Variants in DENND5A observed in about 807,000 individuals in gnomAD.
The protein encoded by DENND5A is DENN domain-containing protein 5A.
DENND5A carries 64 observed loss-of-function variants against 140.3 expected under a neutral mutation model. That is an observed-to-expected ratio of 0.46 (90% CI 0.37 to 0.56). The LOEUF (loss-of-function observed/expected upper bound fraction) is 0.56, where lower values mean the gene tolerates loss of function less well. Among genes scored for constraint, DENND5A ranks in the 20% least tolerant of loss-of-function variants. The pLI is 0.00. For synonymous variants in DENND5A, 605 were observed against 607.7 expected (o/e 1.00, Z 0.07); for missense variants, 1,292 against 1,593.8 (o/e 0.81, Z 3.22).
chr11:9,188,525 T>G (rs1355472278), intron 5 of DENND5A, among the ~76,000 whole-genome samples: 2 of 152,164 alleles, frequency 1.3e-5, no homozygotes, highest in East Asian at 3.9e-4. Flanking sequence ...TGGGAAAGTT[T>G]GGAACTCCCT....
intron 15 of DENND5A, among the ~76,000 whole-genome samples, chr11:9,147,760 A>T (rs1847482448): frequency 6.6e-6 from 1 of 152,130 alleles, no homozygotes; most frequent in Non-Finnish European, 1.5e-5. Flanking sequence ...CTTCATTTTC[A>T]CTGCCTATTC....
At position 9,145,956 on chromosome 11, in the gene DENND5A, G is replaced by A. The variant is rs1281833982; in HGVS notation, c.2858-141C>T. ...TCAAGCAGAGCCCTGGAACAAGAGG[G>A]CCCCAGGACCTAGTCCCTGGCTAAT... On this transcript the variant is annotated intron_variant, in intron 16 of 22. Transcript: ENST00000328194. 6.8e-6 allele frequency: 6 copies of A among 888,884 alleles called. No homozygotes were observed. The East Asian group carries it at 9.7e-5, about 14-fold the overall frequency. The allele number at this position is 888,884 out of a possible 1,614,324, so 55.1% of individuals were successfully genotyped here. A position where few individuals can be genotyped will look rare whatever the true frequency, so the allele number is the denominator to read the frequency against.
intron 13 of DENND5A, among the ~76,000 whole-genome samples, 198 bp downstream of exon 13, chr11:9,152,159 GA>G (rs1220493124): frequency 2.0e-5 from 3 of 152,222 alleles, no homozygotes; most frequent in Non-Finnish European, 2.9e-5. Context: ...AAAGGGTATA[GA>G]AATACATAAT....
intron 1 of DENND5A, among the ~76,000 whole-genome samples, chr11:9,224,247 A>G (rs1341162403): frequency 6.6e-6 from 1 of 152,194 alleles, no homozygotes; most frequent in Non-Finnish European, 1.5e-5. Flanking sequence ...AAAGGAAGGG[A>G]AGAAGGAGAG....
In DENND5A at chr11:9,236,498, C is replaced by A. The variant is rs543522764; in HGVS notation, c.109+28463G>T. On this transcript the variant is annotated intron_variant, in intron 1 of 22. Coordinates refer to ENST00000328194, the MANE Select transcript of DENND5A (RefSeq NM_015213.4). Reference sequence around the variant, plus strand: ...GGTGAGCCAAAATTGCACCACTGCACTCCAGCCTGGGCGACAAGAGCAAAA... The same window carrying A: ...GGTGAGCCAAAATTGCACCACTGCAATCCAGCCTGGGCGACAAGAGCAAAA... Among the ~76,000 whole-genome samples, 6 of 151,996 alleles carry A rather than the reference C, an allele frequency of 3.9e-5. No homozygotes were observed. The South Asian group carries it at 1.2e-3, about 32-fold the overall frequency.
chr11:9,213,610 C>T (rs1849965647), intron 1 of DENND5A, among the ~76,000 whole-genome samples: 1 of 151,152 alleles, frequency 6.6e-6, no homozygotes, highest in Non-Finnish European at 1.5e-5. Flanking sequence ...GAGTTCAAGA[C>T]CAGCTGGGCC....
At chr11:9,146,832 C>A in intron 16 of DENND5A, 198 bp downstream of exon 16, 1 of 585,918 alleles carries the variant, frequency 1.7e-6, no homozygotes, top group Non-Finnish European at 3.0e-6. Flanking sequence ...CTCTCCAGTT[C>A]AGAACAAGAA....
chr11:9,178,794 C>G, intron 7 of DENND5A, 64 bp downstream of exon 7: 1 of 1,353,342 alleles, frequency 7.4e-7, no homozygotes, highest in Non-Finnish European at 1.1e-6. Context: ...TTTTCCATTA[C>G]TTCTTCAAGA....
chr11:9,217,952 G>T (rs1468952020), intron 1 of DENND5A, among the ~76,000 whole-genome samples: 1 of 152,158 alleles, frequency 6.6e-6, no homozygotes, highest in Non-Finnish European at 1.5e-5. Flanking sequence ...ATAGACTGTT[G>T]TTTTAAAAGA....
chr11:9,236,231 A>G (rs1445016952), intron 1 of DENND5A, among the ~76,000 whole-genome samples: 1 of 142,578 alleles, frequency 7.0e-6, no homozygotes, highest in African/African-American at 2.6e-5. Context: ...TCAAAAAAAA[A>G]AAAAAAACAA....
At chr11:9,166,136 T>C (rs1260140253) in intron 10 of DENND5A, among the ~76,000 whole-genome samples, 169 bp from the exon 11 acceptor site, 1 of 151,456 alleles carries the variant, frequency 6.6e-6, no homozygotes, top group Non-Finnish European at 1.5e-5. Context: ...TGGAGTGCAG[T>C]GGTGTGATCT....
At chr11:9,171,636 G>A (rs1564894849) in intron 8 of DENND5A, 1 of 149,814 alleles carries the variant, frequency 6.7e-6, no homozygotes, top group Non-Finnish European at 1.5e-5. Flanking sequence ...CAAAGTGAGG[G>A]TATCATTTAA....
intron 4 of DENND5A, among the ~76,000 whole-genome samples, chr11:9,195,170 T>G (rs2136198398): frequency 6.6e-6 from 1 of 150,738 alleles, no homozygotes; most frequent in East Asian, 1.9e-4. Context: ...AACCTCCACC[T>G]CCCGGGTTTA....
intron 1 of DENND5A, among the ~76,000 whole-genome samples, chr11:9,254,237 G>A (rs1212730338): frequency 6.6e-6 from 1 of 151,534 alleles, no homozygotes; most frequent in Non-Finnish European, 1.5e-5. Context: ...AAGGTAGGAG[G>A]ATCCCTTGAG....
At chr11:9,217,832 T>C (rs1333904081) in intron 1 of DENND5A, among the ~76,000 whole-genome samples, 1 of 152,182 alleles carries the variant, frequency 6.6e-6, no homozygotes, top group Non-Finnish European at 1.5e-5. Flanking sequence ...TCTCCTACTG[T>C]CAAAGCATGT....
At chr11:9,240,540 T>C (rs954219380) in intron 1 of DENND5A, among the ~76,000 whole-genome samples, 2 of 152,026 alleles carry the variant, frequency 1.3e-5, no homozygotes, top group Non-Finnish European at 2.9e-5. Flanking sequence ...TGAAAACCCA[T>C]CGCTAGAAAA....
intron 11 of DENND5A, among the ~76,000 whole-genome samples, chr11:9,163,913 A>G (rs559855840): frequency 8.8e-6 from 1 of 113,510 alleles, no homozygotes; most frequent in East Asian, 2.0e-4. Context: ...ACAAAATTGT[A>G]TGGAAAAAAA....
chr11:9,169,493 A>ATG (rs1848298472), intron 10 of DENND5A, among the ~76,000 whole-genome samples: 1 of 102,824 alleles, frequency 9.7e-6, no homozygotes, highest in African/African-American at 3.4e-5. Flanking sequence ...CTATATACAC[A>ATG]CGCACACACA....
At chr11:9,155,050 G>A (rs1045795807) in intron 12 of DENND5A, among the ~76,000 whole-genome samples, 21 of 151,888 alleles carry the variant, frequency 1.4e-4, no homozygotes, top group African/African-American at 4.6e-4. Flanking sequence ...TCAGGAGGCT[G>A]AGGCAGGAGA....
Sources: allele counts gnomAD v4.1 joint callset (sites outside exome capture counted in the v4.1 genomes callset), GRCh38; gene constraint gnomAD v4.1.1; transcripts MANE v1.5; gene names NCBI Gene and HGNC (gene_info 2026-07-23, HGNC 2026-07-21).